The following CPNE3 variants were observed in gnomAD, a reference collection of about 807,000 sequenced individuals.
CPNE3 encodes copine-3.
Under a neutral mutation model 63.9 loss-of-function variants are expected in CPNE3, and 68 were observed. The ratio of observed to expected loss-of-function variants is 1.06; its 90% CI spans 0.87 to 1.30. The LOEUF is 1.30. Ranked by LOEUF, CPNE3 falls within the 50% of genes most tolerant of loss-of-function variation. The pLI is 0.00. For missense variants in CPNE3, 665 were observed against 578.1 expected (o/e 1.15, Z -1.54); for synonymous variants, 219 against 197.5 (o/e 1.11, Z -0.91).
Position 86,529,084 on chromosome 8 carries a change from A to T in CPNE3, c.272A>T (p.Asp91Val). The change falls in exon 4 of 17, where the codon GAT (aspartate) becomes GTT (valine). Residue 91 changes from aspartate to valine, a missense_variant. By Grantham distance (152) the Asp-to-Val change is radical. Coordinates refer to ENST00000517490, the MANE Select transcript of CPNE3 (RefSeq NM_003909.5). ...GACAACAAAACTATTGAGCTGAGTGATGATGACTTCTTAGGGGAATGTGAA... is the reference window on the plus strand; with the variant it reads ...GACAACAAAACTATTGAGCTGAGTGTTGATGACTTCTTAGGGGAATGTGAA... ...DIDNKTIELS[D>V]DDFLGECECT... 2 of 1,614,068 alleles carry T rather than the reference A, an allele frequency of 1.2e-6. No homozygotes were observed. Among genetic ancestry groups the T allele is most frequent in the Non-Finnish European group, 1.7e-6 (2 of 1,179,964 alleles).
intron 2 of CPNE3, among the ~76,000 whole-genome samples, chr8:86,517,366 T>C (rs1393173969): frequency 1.3e-5 from 2 of 152,202 alleles, no homozygotes; most frequent in Non-Finnish European, 2.9e-5. Context: ...TTATATCTAG[T>C]TCCTGTGAAA....
At chr8:86,555,249 G>T (rs1192593656) in intron 15 of CPNE3, among the ~76,000 whole-genome samples, 1 of 149,988 alleles carries the variant, frequency 6.7e-6, no homozygotes, top group Non-Finnish European at 1.5e-5. Context: ...AAAAAAAAAT[G>T]CCTATCATCT....
chr8:86,536,903 T>A (rs1026026809), intron 6 of CPNE3, among the ~76,000 whole-genome samples: 1 of 152,196 alleles, frequency 6.6e-6, no homozygotes, highest in African/African-American at 2.4e-5. Flanking sequence ...GAGCATTTAG[T>A]GTGCTTGAGC....
intron 6 of CPNE3, among the ~76,000 whole-genome samples, chr8:86,533,080 C>T (rs1023099647): frequency 4.8e-5 from 7 of 146,550 alleles, no homozygotes; most frequent in Admixed American, 3.4e-4. Context: ...TTTTTAGAGA[C>T]AGAGTCTCAC....
chr8:86,553,205 A>G (rs979393677), intron 14 of CPNE3, among the ~76,000 whole-genome samples: 1 of 151,750 alleles, frequency 6.6e-6, no homozygotes, highest in Admixed American at 6.6e-5. Flanking sequence ...TGGACTGACT[A>G]CTAGTAACAT....
chr8:86,540,412 A>G (rs1311903732), intron 8 of CPNE3, 78 bp downstream of exon 8: 2 of 644,988 alleles, frequency 3.1e-6, no homozygotes, highest in Non-Finnish European at 4.7e-6. Flanking sequence ...TACATAAGAT[A>G]GTATTTAAAG....
At chr8:86,537,090 C>T (rs1369393592) in intron 6 of CPNE3, among the ~76,000 whole-genome samples, 2 of 152,082 alleles carry the variant, frequency 1.3e-5, no homozygotes, top group Non-Finnish European at 2.9e-5. Flanking sequence ...AAGTTAAAGC[C>T]TGGATCCATT....
At chr8:86,548,131 T>C (rs1821095036) in intron 11 of CPNE3, among the ~76,000 whole-genome samples, 170 bp from the exon 12 acceptor site, 1 of 152,236 alleles carries the variant, frequency 6.6e-6, no homozygotes, top group Non-Finnish European at 1.5e-5. Context: ...TCAGGTTGTT[T>C]CACATTTAGG....
intron 5 of CPNE3, among the ~76,000 whole-genome samples, chr8:86,531,603 C>T (rs545590258): frequency 1.3e-5 from 2 of 152,114 alleles, no homozygotes; most frequent in Non-Finnish European, 2.9e-5. Flanking sequence ...AGAAATTTTC[C>T]CTAGTGGATT....
rs1012185346 is a variant in CPNE3, at chr8:86,559,403, G to A, written c.*993G>A. On this transcript the variant is annotated 3_prime_UTR_variant, in exon 17 of 17. Transcript: ENST00000517490. Reference sequence around the variant, plus strand: ...TTGCTAAGGTCCCATATATTGATTTGTACAGATCCACTTAGTCATTTTCTC... The same window carrying A: ...TTGCTAAGGTCCCATATATTGATTTATACAGATCCACTTAGTCATTTTCTC... 5 of 151,992 alleles carry A rather than the reference G, an allele frequency of 3.3e-5. No individual in the cohort carries two copies. The highest frequency in any genetic ancestry group is 5.9e-5 in the Non-Finnish European group (4 of 68,006). The allele number at this position is 151,992 out of a possible 1,614,324, so 9.4% of individuals were successfully genotyped here.
intron 16 of CPNE3, among the ~76,000 whole-genome samples, chr8:86,558,080 A>G (rs1821360041): frequency 6.6e-6 from 1 of 152,224 alleles, no homozygotes. Context: ...GGACTTGACA[A>G]ATGTTAGCAG....
At chr8:86,554,457 A>C (rs1292590424) in intron 14 of CPNE3, among the ~76,000 whole-genome samples, 1 of 152,212 alleles carries the variant, frequency 6.6e-6, no homozygotes, top group African/African-American at 2.4e-5. Context: ...ATATATGCAA[A>C]TGATTTTTCA....
intron 14 of CPNE3, 71 bp from the exon 15 acceptor site, chr8:86,554,780 C>A: frequency 6.4e-7 from 1 of 1,551,402 alleles, no homozygotes; most frequent in Non-Finnish European, 8.8e-7. Flanking sequence ...ATCAAATTAG[C>A]CAGTATTGTG....
intron 2 of CPNE3, 95 bp from the exon 3 acceptor site, chr8:86,528,441 A>T: frequency 7.3e-7 from 1 of 1,364,376 alleles, no homozygotes; most frequent in South Asian, 1.2e-5. Context: ...CTATTGTGAC[A>T]ATTGGTCTTA....
chr8:86,546,243 T>G (rs1821047436), intron 9 of CPNE3, among the ~76,000 whole-genome samples: 1 of 152,076 alleles, frequency 6.6e-6, no homozygotes, highest in Non-Finnish European at 1.5e-5. Flanking sequence ...ATTTCCTTTA[T>G]TATACCATGT....
intron 16 of CPNE3, among the ~76,000 whole-genome samples, chr8:86,556,642 G>T (rs569494964): frequency 5.1e-4 from 77 of 152,148 alleles, no homozygotes; most frequent in Non-Finnish European, 9.8e-4. Context: ...CCTCAAGCTG[G>T]AAGTTTAGTT....
intron 8 of CPNE3, among the ~76,000 whole-genome samples, chr8:86,541,568 G>A (rs922743851): frequency 1.3e-5 from 2 of 152,108 alleles, no homozygotes; most frequent in Non-Finnish European, 2.9e-5. Context: ...GCTGGGTGTG[G>A]TGGCGCATAC....
intron 9 of CPNE3, 46 bp downstream of exon 9, chr8:86,544,884 G>A (rs1389731369): frequency 1.7e-6 from 2 of 1,188,676 alleles, no homozygotes; most frequent in East Asian, 2.5e-5. Context: ...GTTTGGCTAT[G>A]TATTTATTAC....
intron 12 of CPNE3, among the ~76,000 whole-genome samples, chr8:86,550,735 A>G (rs1184343974): frequency 2.0e-5 from 3 of 152,180 alleles, no homozygotes; most frequent in South Asian, 2.1e-4. Context: ...TCATGTATTT[A>G]TTTACTCATT....
Sources: gnomAD v4.1 joint callset for allele counts (sites outside exome capture counted in the v4.1 genomes callset) on GRCh38, gnomAD v4.1.1 for gene constraint, MANE v1.5 for transcripts, NCBI Gene and HGNC (gene_info 2026-07-23, HGNC 2026-07-21) for gene names.